The following LRP1B variants were observed in gnomAD, a reference collection of about 807,000 sequenced individuals.
The protein encoded by LRP1B is LDL receptor related protein 1B.
A neutral mutation model predicts 556.6 loss-of-function variants in LRP1B; 217 were observed. The observed-to-expected ratio is 0.39, with a 90% CI of 0.35 to 0.44. The LOEUF (loss-of-function observed/expected upper bound fraction) is 0.44. Ranked by LOEUF, LRP1B falls within the 20% of genes least tolerant of loss-of-function variation. The pLI, the probability that LRP1B is intolerant of heterozygous loss-of-function variation, is 1.00. For synonymous variants in LRP1B, 2,047 were observed against 1,865.8 expected, an observed-to-expected ratio of 1.10 and a Z score of -2.50; for missense variants, 5,053 against 5,620.8, an observed-to-expected ratio of 0.90 and a Z score of 3.23.
intron 18 of LRP1B, among the ~76,000 whole-genome samples, chr2:140,972,951 T>G (rs1696477008): frequency 6.8e-6 from 1 of 148,142 alleles, no homozygotes; most frequent in South Asian, 2.1e-4. Flanking sequence ...TTGATATATA[T>G]ATATATATAC....
intron 77 of LRP1B, among the ~76,000 whole-genome samples, chr2:140,338,069 A>G (rs539932916): frequency 0.021 from 2,632 of 126,994 alleles, 83 homozygotes; most frequent in African/African-American, 0.074. Flanking sequence ...TAGAAAAACG[A>G]AAAAAAAAAC....
At position 141,724,742 on chromosome 2, in the gene LRP1B, C is replaced by T. The variant is rs562651442; in HGVS notation, c.205+85537G>A. The stretch of plus-strand genomic sequence containing the variant: ...GGGAGAAGGAAAGTAAAAATGATAA[C>T]GAGAAGGAAAGAATTCCAGTTATTC... On this transcript the variant is annotated intron_variant, in intron 2 of 90. Transcript: ENST00000389484. Among the ~76,000 whole-genome samples the T allele has an allele frequency of 4.6e-5, 7 of 151,910 alleles. No individual in the cohort carries two copies. The East Asian group carries it at 7.8e-4, about 17-fold the overall frequency.
At chr2:141,533,292 G>C (rs1185428670) in intron 2 of LRP1B, among the ~76,000 whole-genome samples, 1 of 152,046 alleles carries the variant, frequency 6.6e-6, no homozygotes, top group Non-Finnish European at 1.5e-5. Context: ...GAATTCATTA[G>C]TTCAATAATT....
At chr2:140,286,642 G>C (rs1300821245) in intron 84 of LRP1B, among the ~76,000 whole-genome samples, 1 of 151,744 alleles carries the variant, frequency 6.6e-6, no homozygotes, top group Non-Finnish European at 1.5e-5. Context: ...TCAGTGTTCT[G>C]ATCTACTTAC....
chr2:141,274,453 A>G (rs1685207162), intron 3 of LRP1B, among the ~76,000 whole-genome samples: 1 of 152,186 alleles, frequency 6.6e-6, no homozygotes, highest in Non-Finnish European at 1.5e-5. Context: ...TCAGTCACAG[A>G]AGACTACATA....
Position 140,270,196 on chromosome 2 carries a change from T to A in LRP1B, c.13247+46A>T, listed in dbSNP as rs756376179. The A allele has an allele frequency of 2.2e-6, 3 of 1,356,722 alleles. No homozygotes were observed. In the African/African-American group the frequency reaches 4.3e-5, roughly 20 times the overall value. The allele number at this position is 1,356,722 out of a possible 1,614,324, so 84.0% of individuals were successfully genotyped here. On this transcript the variant is annotated intron_variant, in intron 86 of 90. Transcript: ENST00000389484. ...TAATAGAACAGGGATTTCATGTACA[T>A]ACAAAGGCTTATTATAAGATGCCCA... is the stretch of plus-strand genomic sequence containing the variant.
chr2:141,425,555 A>G (rs1680330678), intron 3 of LRP1B, among the ~76,000 whole-genome samples: 2 of 148,070 alleles, frequency 1.4e-5, no homozygotes, highest in Admixed American at 6.7e-5. Flanking sequence ...AAGTGTTCCT[A>G]TTTCTCCACA....
At chr2:142,074,578 A>G (rs190672883) in intron 1 of LRP1B, among the ~76,000 whole-genome samples, 1 of 152,046 alleles carries the variant, frequency 6.6e-6, no homozygotes, top group Non-Finnish European at 1.5e-5. Flanking sequence ...TCCTGTGGGA[A>G]TATCACATTC....
At chr2:140,492,321 T>C (rs1389845658) in intron 57 of LRP1B, among the ~76,000 whole-genome samples, 1 of 152,138 alleles carries the variant, frequency 6.6e-6, no homozygotes, top group African/African-American at 2.4e-5. Flanking sequence ...GTGGTCTTCG[T>C]TTATACTTAA....
chr2:140,861,415 A>G (rs1445530607), intron 27 of LRP1B, among the ~76,000 whole-genome samples: 1 of 152,218 alleles, frequency 6.6e-6, no homozygotes, highest in Non-Finnish European at 1.5e-5. Flanking sequence ...TCAAAAAACA[A>G]AGAGAAAGAC....
intron 1 of LRP1B, among the ~76,000 whole-genome samples, chr2:142,009,126 TTTTG>T (rs1362988852): frequency 6.6e-6 from 1 of 152,188 alleles, no homozygotes; most frequent in Admixed American, 6.5e-5. Context: ...CAGGAATTGC[TTTTG>T]TTTGTTTGGA....
chr2:140,628,747 A>G (rs1286666396), intron 41 of LRP1B, among the ~76,000 whole-genome samples: 1 of 152,152 alleles, frequency 6.6e-6, no homozygotes, highest in Admixed American at 6.5e-5. Context: ...CTCATGTCGA[A>G]TTATAATTCC....
chr2:140,726,271 G>A lies in LRP1B; in HGVS notation c.5759-9455C>T, dbSNP rs1379040071. 3.3e-5 allele frequency among the ~76,000 whole-genome samples: 5 copies of A among 152,120 alleles called. 1 individual carries two copies. The highest frequency in any genetic ancestry group is 1.2e-4 in the African/African-American group (5 of 41,430). On this transcript the variant is annotated intron_variant, in intron 35 of 90. Transcript: ENST00000389484. Reference sequence around the variant, plus strand: ...CTTGGTCTTCTATGGGAGGATATCAGATTTGGGGCTAGTTTTTTCTCCAGT... The same window carrying A: ...CTTGGTCTTCTATGGGAGGATATCAAATTTGGGGCTAGTTTTTTCTCCAGT...
At chr2:141,642,561 T>C (rs1049330939) in intron 2 of LRP1B, among the ~76,000 whole-genome samples, 1 of 152,166 alleles carries the variant, frequency 6.6e-6, no homozygotes, top group African/African-American at 2.4e-5. Context: ...TAGACCTTCT[T>C]AAATCACTTG....
At chr2:140,951,098 A>C (rs182434284) in intron 19 of LRP1B, among the ~76,000 whole-genome samples, 1 of 152,254 alleles carries the variant, frequency 6.6e-6, no homozygotes, top group African/African-American at 2.4e-5. Flanking sequence ...AACCAATAAT[A>C]TAATTATTGT....
intron 3 of LRP1B, among the ~76,000 whole-genome samples, chr2:141,348,162 C>T (rs979869623): frequency 4.6e-5 from 7 of 152,018 alleles, no homozygotes; most frequent in Non-Finnish European, 1.0e-4. Context: ...ACTGCTATGT[C>T]TGAATCAGCT....
intron 1 of LRP1B, among the ~76,000 whole-genome samples, chr2:142,117,599 TTG>T (rs760008003): frequency 3.3e-4 from 50 of 151,118 alleles, no homozygotes; most frequent in Admixed American, 5.3e-4. Context: ...GGATTTTTAT[TTG>T]TGTGTGTGTG....
At chr2:140,599,465 G>T (rs575441772) in intron 42 of LRP1B, among the ~76,000 whole-genome samples, 8 of 151,984 alleles carry the variant, frequency 5.3e-5, no homozygotes, top group East Asian at 3.9e-4. Flanking sequence ...GTTCTCTATG[G>T]ATTCCCATGT....
At chr2:140,668,092 C>A (rs1415610559) in intron 41 of LRP1B, among the ~76,000 whole-genome samples, 1 of 151,930 alleles carries the variant, frequency 6.6e-6, no homozygotes, top group East Asian at 1.9e-4. Context: ...GCGGGTGGAT[C>A]ACGACGTCAG....
Sources: gnomAD v4.1 joint callset for allele counts (sites outside exome capture counted in the v4.1 genomes callset) on GRCh38, gnomAD v4.1.1 for gene constraint, MANE v1.5 for transcripts, NCBI Gene and HGNC (gene_info 2026-07-23, HGNC 2026-07-21) for gene names.